RBFOX1: variants seen among roughly 807,000 people sequenced by gnomAD.
RBFOX1 encodes the protein RNA binding protein fox-1 homolog 1.
A neutral mutation model predicts 57.7 loss-of-function variants in RBFOX1; 8 were observed. That is an observed-to-expected ratio of 0.14 (90% CI 0.08 to 0.25). The LOEUF is 0.25. RBFOX1 is among the 10% of genes least tolerant of loss of function. The pLI is 1.00. For synonymous variants in RBFOX1, 326 were observed against 222.4 expected (o/e 1.47, Z -4.15); for missense variants, 611 against 548.5 (o/e 1.11, Z -1.14).
chr16:6,073,559 G>T lies in RBFOX1; in HGVS notation c.-127+53567G>T, dbSNP rs1223410180. ...TTGAATTAGCTGAAGCATTTCCCCC[G>T]TGTTTGCTTTAGAACGTAATACACT... On this transcript the variant is annotated intron_variant, in intron 1 of 15. Coordinates refer to ENST00000550418, the MANE Select transcript of RBFOX1 (RefSeq NM_018723.4). 2.6e-5 allele frequency among the ~76,000 whole-genome samples: 4 copies of T among 152,212 alleles called. No individual in the cohort carries two copies. The East Asian group carries it at 7.7e-4, about 29-fold the overall frequency.
chr16:6,938,341 ATTG>A (rs1567975463), intron 3 of RBFOX1, among the ~76,000 whole-genome samples: 1 of 152,150 alleles, frequency 6.6e-6, no homozygotes, highest in African/African-American at 2.4e-5. Flanking sequence ...ACCGAAGCCT[ATTG>A]TTGGCAAGAA....
At chr16:7,363,313 C>G (rs759058807) in intron 4 of RBFOX1, among the ~76,000 whole-genome samples, 2 of 152,136 alleles carry the variant, frequency 1.3e-5, no homozygotes, top group Non-Finnish European at 2.9e-5. Context: ...TCCCATCTAA[C>G]TACTTGTGTG....
intron 4 of RBFOX1, among the ~76,000 whole-genome samples, chr16:7,260,367 TA>T (rs1325647150): frequency 1.3e-5 from 2 of 152,168 alleles, no homozygotes; most frequent in East Asian, 3.9e-4. Flanking sequence ...ACGCCGCTCT[TA>T]AAAATTAAGC....
intron 1 of RBFOX1, among the ~76,000 whole-genome samples, chr16:6,120,324 C>G (rs986612591): frequency 6.6e-6 from 1 of 152,210 alleles, no homozygotes; most frequent in African/African-American, 2.4e-5. Flanking sequence ...TGCAGTAGCT[C>G]TATGTTCAAC....
chr16:6,856,670 C>T (rs1271382741), intron 3 of RBFOX1, among the ~76,000 whole-genome samples: 1 of 152,058 alleles, frequency 6.6e-6, no homozygotes, highest in Non-Finnish European at 1.5e-5. Flanking sequence ...TTCCTGTATT[C>T]TTCAAGATGT....
chr16:5,784,577 T>G (rs1893029144), intron 3 of RBFOX1, among the ~76,000 whole-genome samples: 1 of 152,130 alleles, frequency 6.6e-6, no homozygotes, highest in African/African-American at 2.4e-5. Flanking sequence ...GCTAAACTCT[T>G]CATGAGAATT....
At chr16:6,249,210 A>T (rs2097587410) in intron 1 of RBFOX1, among the ~76,000 whole-genome samples, 1 of 152,116 alleles carries the variant, frequency 6.6e-6, no homozygotes, top group African/African-American at 2.4e-5. Context: ...CAACACACCA[A>T]TGGAAGGAAA....
At chr16:5,509,007 C>G (rs2043482300) in intron 2 of RBFOX1, among the ~76,000 whole-genome samples, 1 of 152,212 alleles carries the variant, frequency 6.6e-6, no homozygotes, top group Non-Finnish European at 1.5e-5. Flanking sequence ...GTTAACTGGA[C>G]TTCCTTCCCT....
At chr16:6,846,878 A>G (rs2093783513) in intron 3 of RBFOX1, among the ~76,000 whole-genome samples, 1 of 152,056 alleles carries the variant, frequency 6.6e-6, no homozygotes, top group African/African-American at 2.4e-5. Context: ...GCCTGGAAGA[A>G]AATTACAAAG....
intron 3 of RBFOX1, among the ~76,000 whole-genome samples, chr16:6,962,421 C>G (rs564045594): frequency 6.6e-6 from 1 of 152,254 alleles, no homozygotes; most frequent in African/African-American, 2.4e-5. Flanking sequence ...CTGCTACAAC[C>G]TGTGCAACTT....
intron 2 of RBFOX1, among the ~76,000 whole-genome samples, chr16:6,481,080 A>G (rs2095364550): frequency 1.3e-5 from 2 of 152,152 alleles, no homozygotes; most frequent in African/African-American, 4.8e-5. Context: ...GGGTATGCAC[A>G]TTTTCCATTT....
intron 1 of RBFOX1, among the ~76,000 whole-genome samples, chr16:6,137,380 C>G (rs1443274344): frequency 6.6e-6 from 1 of 152,150 alleles, no homozygotes; most frequent in African/African-American, 2.4e-5. Context: ...TCCCGGCTCA[C>G]TGCAGCTGCC....
Position 6,019,775 on chromosome 16 carries a change from C to T in RBFOX1, c.-344C>T. On this transcript the variant is annotated 5_prime_UTR_variant, in exon 1 of 16. Transcript: ENST00000550418. The surrounding 1 kb of genome is among the most constrained non-coding windows in gnomAD (Gnocchi z 4.2). ...CTCCAGACCCCCACCCAGTGGCCGC[C>T]AGGGTCCCCGCCTGTCCGGACCCTC... The T allele has an allele frequency of 1.4e-6, 2 of 1,410,514 alleles. No homozygotes were observed. Among genetic ancestry groups the T allele is most frequent in the African/African-American group, 1.5e-5 (1 of 67,964 alleles). The allele number at this position is 1,410,514 out of a possible 1,614,324, so 87.4% of individuals were successfully genotyped here. A position where few individuals can be genotyped will look rare whatever the true frequency, so the allele number is the denominator to read the frequency against.
intron 3 of RBFOX1, among the ~76,000 whole-genome samples, chr16:5,790,656 T>C (rs1223414629): frequency 6.6e-6 from 1 of 151,998 alleles, no homozygotes; most frequent in Non-Finnish European, 1.5e-5. Context: ...CTCGTCTCCC[T>C]CCTGGATGAA....
At chr16:7,497,053 G>T (rs1406655862) in intron 4 of RBFOX1, among the ~76,000 whole-genome samples, 2 of 151,990 alleles carry the variant, frequency 1.3e-5, no homozygotes, top group Non-Finnish European at 2.9e-5. Context: ...ACCTTTTCCT[G>T]TCTCCAGCCT....
chr16:7,073,472 T>C (rs1038160829), intron 4 of RBFOX1, among the ~76,000 whole-genome samples: 1 of 152,072 alleles, frequency 6.6e-6, no homozygotes, highest in Non-Finnish European at 1.5e-5. Context: ...AAAGACGATA[T>C]AATTCAGACC....
chr16:7,112,058 G>C (rs570102365), intron 4 of RBFOX1, among the ~76,000 whole-genome samples: 1 of 152,184 alleles, frequency 6.6e-6, no homozygotes, highest in African/African-American at 2.4e-5. Context: ...AAGTGTGTGT[G>C]TGAGAGAGAT....
intron 2 of RBFOX1, among the ~76,000 whole-genome samples, chr16:6,338,565 T>A (rs1486278580): frequency 1.3e-5 from 2 of 152,204 alleles, no homozygotes; most frequent in South Asian, 2.1e-4. Context: ...AATATTTTTT[T>A]AAAAACTTGG....
intron 4 of RBFOX1, among the ~76,000 whole-genome samples, chr16:7,073,045 G>C (rs150949138): frequency 6.6e-6 from 1 of 152,288 alleles, no homozygotes; most frequent in East Asian, 1.9e-4. Flanking sequence ...CTGTGACACA[G>C]AGGCCAGGGT....
Sources: allele counts gnomAD v4.1 joint callset (sites outside exome capture counted in the v4.1 genomes callset), GRCh38; gene constraint gnomAD v4.1.1; non-coding constraint Gnocchi (gnomAD v3.1); transcripts MANE v1.5; gene names NCBI Gene and HGNC (gene_info 2026-07-23, HGNC 2026-07-21).